The following ADGRL2 variants were observed in gnomAD, a reference collection of about 807,000 sequenced individuals.
ADGRL2 encodes adhesion G protein-coupled receptor L2.
In ADGRL2, 44 loss-of-function variants were observed where a neutral mutation model predicts 157.4. That is an observed-to-expected ratio of 0.28 (90% CI 0.22 to 0.36). The LOEUF (loss-of-function observed/expected upper bound fraction) is 0.36. Among genes scored for constraint, ADGRL2 ranks in the 10% least tolerant of loss-of-function variants. The pLI is 1.00. For synonymous variants in ADGRL2, 585 were observed against 624.7 expected, an observed-to-expected ratio of 0.94 and a Z score of 0.95; for missense variants, 1,510 against 1,768.9, an observed-to-expected ratio of 0.85 and a Z score of 2.63.
chr1:81,534,729 G>C (rs962429479), intron 2 of ADGRL2, among the ~76,000 whole-genome samples: 2 of 152,050 alleles, frequency 1.3e-5, no homozygotes, highest in African/African-American at 4.8e-5. Context: ...CCTCCCGCTG[G>C]TCCTTCCATG....
intron 1 of ADGRL2, among the ~76,000 whole-genome samples, chr1:81,707,081 A>G (rs946063816): frequency 6.6e-6 from 1 of 152,112 alleles, no homozygotes; most frequent in Non-Finnish European, 1.5e-5. Flanking sequence ...CTGCCGCGCT[A>G]TTTTACCCAA....
intron 1 of ADGRL2, among the ~76,000 whole-genome samples, chr1:81,359,084 TA>T (rs760435009): frequency 2.6e-5 from 4 of 151,462 alleles, no homozygotes; most frequent in East Asian, 3.9e-4. Flanking sequence ...TAAAAAAAAT[TA>T]AAAAAAAGAA....
chr1:81,808,450 T>C (rs1030249446), intron 1 of ADGRL2, among the ~76,000 whole-genome samples: 1 of 146,806 alleles, frequency 6.8e-6, no homozygotes, highest in African/African-American at 2.5e-5. Context: ...GATGCAGAGT[T>C]TTTTCTTTCT....
chr1:81,741,177 G>C (rs1041971192), intron 1 of ADGRL2, among the ~76,000 whole-genome samples: 2 of 149,652 alleles, frequency 1.3e-5, no homozygotes, highest in African/African-American at 4.9e-5. Context: ...AAATGAAGTT[G>C]AAGAGTGAGG....
intron 1 of ADGRL2, among the ~76,000 whole-genome samples, chr1:81,352,087 G>A (rs554559604): frequency 2.3e-4 from 35 of 152,298 alleles, no homozygotes; most frequent in Admixed American, 3.9e-4. Flanking sequence ...AGGAGTCACC[G>A]CAAAGATCTG....
intron 2 of ADGRL2, among the ~76,000 whole-genome samples, chr1:81,540,648 C>A (rs919354553): frequency 6.6e-6 from 1 of 151,722 alleles, no homozygotes; most frequent in African/African-American, 2.4e-5. Context: ...TATAAAGGCC[C>A]TAGGAACCTG....
intron 2 of ADGRL2, among the ~76,000 whole-genome samples, chr1:81,470,649 C>T (rs564068392): frequency 2.0e-5 from 3 of 152,052 alleles, no homozygotes; most frequent in Non-Finnish European, 2.9e-5. Context: ...GTGAGAGAAC[C>T]CTATCTTCTT....
intron 1 of ADGRL2, among the ~76,000 whole-genome samples, chr1:81,308,777 G>C (rs539152989): frequency 3.9e-5 from 6 of 152,200 alleles, no homozygotes; most frequent in Non-Finnish European, 8.8e-5. Flanking sequence ...CCTTAAGTTA[G>C]GTTTTACAAC....
At chr1:81,558,821 A>G (rs749669027) in intron 2 of ADGRL2, among the ~76,000 whole-genome samples, 5 of 152,182 alleles carry the variant, frequency 3.3e-5, no homozygotes, top group Non-Finnish European at 4.4e-5. Context: ...GCAAGTACAG[A>G]TGGAAAAGAA....
intron 1 of ADGRL2, among the ~76,000 whole-genome samples, chr1:81,349,825 C>T (rs1302969779): frequency 1.3e-5 from 2 of 151,936 alleles, no homozygotes; most frequent in African/African-American, 4.8e-5. Context: ...CTGGGAGTGA[C>T]CAGTTGGTAA....
In ADGRL2 at chr1:81,895,393, C is replaced by CTTTT. The variant is rs34557038; in HGVS notation, c.74-11605_74-11602dup. 2.0e-3 allele frequency among the ~76,000 whole-genome samples: 200 copies of CTTTT among 97,580 alleles called. 1 individual carries two copies. Among genetic ancestry groups the CTTTT allele is most frequent in the East Asian group, 0.017 (49 of 2,882 alleles). The allele number at this position is 97,580 out of a possible 152,430, so 64.0% of individuals were successfully genotyped here. ...CTCATGTGATTCAATTTAAATGTATCTTTTTTTTTTTTTTTTTTTTTTGAG... is the reference window on the plus strand; with the variant it reads ...CTCATGTGATTCAATTTAAATGTATCTTTTTTTTTTTTTTTTTTTTTTTTTTGAG... On this transcript the variant is annotated intron_variant, in intron 2 of 23. Coordinates refer to ENST00000686636, the MANE Select transcript of ADGRL2 (RefSeq NM_001366006.2).
intron 3 of ADGRL2, among the ~76,000 whole-genome samples, chr1:81,589,174 G>C (rs1019748628): frequency 2.0e-5 from 3 of 152,182 alleles, no homozygotes; most frequent in Non-Finnish European, 4.4e-5. Flanking sequence ...AACTGGGCTA[G>C]CATGTGGTAG....
chr1:81,800,031 A>G (rs562662026), upstream of ADGRL2, among the ~76,000 whole-genome samples: 1 of 152,218 alleles, frequency 6.6e-6, no homozygotes, highest in East Asian at 1.9e-4. Flanking sequence ...CTGTTTGCTG[A>G]CATTGCCAAC....
chr1:81,344,092 CAG>C (rs773834308), intron 1 of ADGRL2, among the ~76,000 whole-genome samples: 16 of 152,236 alleles, frequency 1.1e-4, no homozygotes, highest in Non-Finnish European at 1.9e-4. Context: ...CTTTTTGAGA[CAG>C]AGTCTCCCTC....
At chr1:81,781,622 G>A (rs535180648) in intron 2 of ADGRL2, among the ~76,000 whole-genome samples, 1 of 152,292 alleles carries the variant, frequency 6.6e-6, no homozygotes, top group Admixed American at 6.5e-5. Flanking sequence ...ACAGATGGGA[G>A]GAAGATATCA....
intron 1 of ADGRL2, among the ~76,000 whole-genome samples, chr1:81,335,562 A>G (rs1280336887): frequency 2.0e-5 from 3 of 152,226 alleles, no homozygotes; most frequent in African/African-American, 7.2e-5. Context: ...TCACAAAAGA[A>G]CTAACCCTTT....
chr1:81,990,488 T>C lies in ADGRL2; in HGVS notation c.3753T>C (p.Tyr1251=), dbSNP rs376351501. Residue 1251 remains tyrosine, a synonymous_variant, in exon 24 of 24, where the codon TAT becomes TAC. Coordinates refer to ENST00000686636, the MANE Select transcript of ADGRL2 (RefSeq NM_001366006.2). Reference sequence around the variant, plus strand: ...GCTACTCGCTGCACAAGGGTGACTATAATGACAGCGTGCAAGTTGTGGACT... The same window carrying C: ...GCTACTCGCTGCACAAGGGTGACTACAATGACAGCGTGCAAGTTGTGGACT... ...NNSYSLHKGD[Y]NDSVQVVDCG... 46 of 1,614,010 alleles carry C rather than the reference T, an allele frequency of 2.9e-5. No homozygotes were observed. The highest frequency in any genetic ancestry group is 3.7e-5 in the Non-Finnish European group (44 of 1,179,990).
intron 3 of ADGRL2, among the ~76,000 whole-genome samples, chr1:81,629,349 T>A (rs1416933036): frequency 1.3e-5 from 2 of 152,266 alleles, no homozygotes; most frequent in East Asian, 3.9e-4. Context: ...AACATCCCTA[T>A]ACCTTATAAA....
At chr1:81,660,424 A>G (rs868232101) in intron 3 of ADGRL2, among the ~76,000 whole-genome samples, 1 of 152,146 alleles carries the variant, frequency 6.6e-6, no homozygotes, top group African/African-American at 2.4e-5. Context: ...TTTTCTCTGT[A>G]TAAAGCTAAT....
Sources: allele counts gnomAD v4.1 joint callset (sites outside exome capture counted in the v4.1 genomes callset), GRCh38; gene constraint gnomAD v4.1.1; transcripts MANE v1.5; gene names NCBI Gene and HGNC (gene_info 2026-07-23, HGNC 2026-07-21).